The following ANKRD55 variants were observed in gnomAD, a reference collection of about 807,000 sequenced individuals.
ANKRD55 encodes the protein ankyrin repeat domain-containing protein 55.
ANKRD55 carries 41 observed loss-of-function variants against 60.6 expected under a neutral mutation model. The ratio of observed to expected loss-of-function variants is 0.68; its 90% CI spans 0.53 to 0.88. ANKRD55 has a LOEUF of 0.88. Ranked by LOEUF, ANKRD55 falls within the 40% of genes least tolerant of loss-of-function variation. The pLI is 0.00. For missense variants in ANKRD55, 732 were observed against 767.6 expected (o/e 0.95, Z 0.55); for synonymous variants, 264 against 290.3 (o/e 0.91, Z 0.92).
At chr5:56,130,436 T>C (rs554098758) in intron 7 of ANKRD55, among the ~76,000 whole-genome samples, 1 of 152,332 alleles carries the variant, frequency 6.6e-6, no homozygotes, top group African/African-American at 2.4e-5. Context: ...ACTTGGAATA[T>C]TCACATTCCA....
intron 8 of ANKRD55, among the ~76,000 whole-genome samples, chr5:56,120,316 C>G (rs116132810): frequency 0.032 from 4,841 of 152,154 alleles, 132 homozygotes; most frequent in Admixed American, 0.051. Context: ...CGTGAGCCAC[C>G]GCACCAAGCC....
chr5:56,115,466 G>A (rs775083062), intron 9 of ANKRD55, among the ~76,000 whole-genome samples: 2 of 151,672 alleles, frequency 1.3e-5, no homozygotes, highest in African/African-American at 2.4e-5. Flanking sequence ...TTACAGGCAC[G>A]CACCACCACA....
At chr5:56,194,637 A>G (rs1338584052) in intron 2 of ANKRD55, among the ~76,000 whole-genome samples, 1 of 152,144 alleles carries the variant, frequency 6.6e-6, no homozygotes, top group Non-Finnish European at 1.5e-5. Flanking sequence ...CTCTTTTCTA[A>G]ATATGTTTAG....
rs1473944737 is a variant in ANKRD55, at chr5:56,111,264, T to C, written c.1484A>G (p.Lys495Arg). 1 of 1,614,188 alleles carries C rather than the reference T, an allele frequency of 6.2e-7. No homozygotes were observed. Among genetic ancestry groups the C allele is most frequent in the East Asian group, 2.2e-5 (1 of 44,890 alleles). ...GGAAAATACCTGATTAGAATCACTC[T>C]TCCAGGGGTTATCTAGTAACATCTG... ...GCQMLLDNPWKSDSNQVFSYK... is the reference protein window; with the variant it reads ...GCQMLLDNPWRSDSNQVFSYK... Residue 495 changes from lysine (K) to arginine (R), a missense_variant, in exon 10 of 12, where the codon AAG (lysine) becomes AGG (arginine). Lys to Arg is a conservative substitution (Grantham distance 26). Around this residue, in one of 3 missense-constraint regions of ANKRD55, gnomAD observed 597 missense variants for 607.5 expected, o/e 0.98. Transcript: ENST00000341048.
intron 2 of ANKRD55, among the ~76,000 whole-genome samples, chr5:56,185,748 T>A (rs549696281): frequency 3.9e-4 from 59 of 152,326 alleles, no homozygotes; most frequent in Non-Finnish European, 7.4e-4. Flanking sequence ...ATGTCAAAGA[T>A]ACTTTTTAGT....
chr5:56,151,897 GTA>G (rs548983624), intron 6 of ANKRD55, among the ~76,000 whole-genome samples: 2 of 146,608 alleles, frequency 1.4e-5, no homozygotes, highest in Admixed American at 7.0e-5. Flanking sequence ...ACATACACAC[GTA>G]TATGTGTGTA....
At position 56,143,896 on chromosome 5, in the gene ANKRD55, T is replaced by C. The variant is rs1042118636; in HGVS notation, c.517A>G (p.Asn173Asp). Residue 173 changes from asparagine to aspartate, a missense_variant, in exon 7 of 12, where the codon AAC becomes GAC. By Grantham distance (23) the Asn-to-Asp change is conservative (BLOSUM62 1). Transcript: ENST00000341048. ...MTPLHWAAFH[N>D]QPQHTQMLLK... ...AGCATTTGTGTGTGTTGAGGCTGGT[T>C]GTGGAAAGCCGCCCAGTGGAGTGGT... The C allele has an allele frequency of 6.2e-7, 1 of 1,614,132 alleles. No homozygotes were observed.
At chr5:56,160,098 C>T (rs1758290126) in intron 5 of ANKRD55, among the ~76,000 whole-genome samples, 1 of 152,170 alleles carries the variant, frequency 6.6e-6, no homozygotes, top group Non-Finnish European at 1.5e-5. Context: ...TGGAGGGCTA[C>T]TGTCTGCCTC....
intron 2 of ANKRD55, among the ~76,000 whole-genome samples, chr5:56,209,761 G>A (rs1311298141): frequency 6.6e-6 from 1 of 152,188 alleles, no homozygotes; most frequent in African/African-American, 2.4e-5. Flanking sequence ...CACCGCGCCC[G>A]GCTACATGTA....
At chr5:56,151,599 G>A (rs186423129) in intron 6 of ANKRD55, among the ~76,000 whole-genome samples, 54 of 152,164 alleles carry the variant, frequency 3.5e-4, no homozygotes, top group African/African-American at 1.3e-3. Context: ...GATCACTTGA[G>A]GACAGGAGTT....
intron 2 of ANKRD55, 38 bp from the exon 3 acceptor site, chr5:56,183,672 G>T (rs368003115): frequency 3.7e-6 from 6 of 1,604,828 alleles, no homozygotes; most frequent in Non-Finnish European, 4.3e-6. Context: ...AGTGTGTGGA[G>T]CCAGTTCACT....
At chr5:56,146,587 T>G (rs767565079) in intron 6 of ANKRD55, among the ~76,000 whole-genome samples, 1 of 152,144 alleles carries the variant, frequency 6.6e-6, no homozygotes, top group Admixed American at 6.6e-5. Flanking sequence ...GCCGAATTTC[T>G]TCGTAAAAAT....
intron 2 of ANKRD55, chr5:56,193,099 A>C: frequency 1.4e-6 from 1 of 729,306 alleles, no homozygotes; most frequent in South Asian, 1.7e-5. Context: ...GGCTTCTTTC[A>C]AAATATGATT....
intron 8 of ANKRD55, among the ~76,000 whole-genome samples, chr5:56,123,805 T>C (rs147409596): frequency 6.6e-6 from 1 of 152,284 alleles, no homozygotes; most frequent in African/African-American, 2.4e-5. Flanking sequence ...TCTAATATAC[T>C]CATGTCCTTG....
At chr5:56,164,312 G>A (rs1758399166) in intron 5 of ANKRD55, among the ~76,000 whole-genome samples, 1 of 152,022 alleles carries the variant, frequency 6.6e-6, no homozygotes, top group South Asian at 2.1e-4. Context: ...CCAGCGCAGT[G>A]ACAGGTGGGA....
chr5:56,113,646 G>GAAATTTCTGCAAAAT (rs1756804521), intron 9 of ANKRD55, among the ~76,000 whole-genome samples: 1 of 152,106 alleles, frequency 6.6e-6, no homozygotes, highest in Non-Finnish European at 1.5e-5. Flanking sequence ...TAAATAAAGT[G>GAAATTTCTGCAAAAT]AAATACACAG....
chr5:56,198,666 C>T (rs1759282820), intron 2 of ANKRD55, among the ~76,000 whole-genome samples: 1 of 152,170 alleles, frequency 6.6e-6, no homozygotes, highest in African/African-American at 2.4e-5. Flanking sequence ...AACCAAAACC[C>T]ATTTGCTTTG....
At chr5:56,147,009 CT>C (rs1224250183) in intron 6 of ANKRD55, among the ~76,000 whole-genome samples, 3 of 152,178 alleles carry the variant, frequency 2.0e-5, no homozygotes, top group Non-Finnish European at 4.4e-5. Context: ...GAGTTATTCT[CT>C]TTAAACAACC....
intron 11 of ANKRD55, among the ~76,000 whole-genome samples, chr5:56,101,441 T>C (rs1016881202): frequency 2.0e-5 from 3 of 152,070 alleles, no homozygotes; most frequent in South Asian, 2.1e-4. Flanking sequence ...TGGGGTGCAA[T>C]TGGAAGAAAA....
Sources: allele counts gnomAD v4.1 joint callset (sites outside exome capture counted in the v4.1 genomes callset), GRCh38; gene constraint gnomAD v4.1.1; regional missense constraint gnomAD v4.1.1; transcripts MANE v1.5; gene names NCBI Gene and HGNC (gene_info 2026-07-23, HGNC 2026-07-21).